Variants in GRIN2A observed in about 807,000 individuals in gnomAD.
GRIN2A encodes the protein glutamate receptor ionotropic, NMDA 2A.
In GRIN2A, 22 loss-of-function variants were observed where a neutral mutation model predicts 113.4. That is an observed-to-expected ratio of 0.19 (90% CI 0.14 to 0.28). GRIN2A has a LOEUF of 0.28. Among genes scored for constraint, GRIN2A ranks in the 10% least tolerant of loss-of-function variants. The pLI is 1.00. For synonymous variants in GRIN2A, 827 were observed against 738.4 expected, an observed-to-expected ratio of 1.12 and a Z score of -1.94; for missense variants, 1,502 against 1,887.0, an observed-to-expected ratio of 0.80 and a Z score of 3.78.
chr16:9,917,529 A>C (rs1398360027), intron 3 of GRIN2A, among the ~76,000 whole-genome samples: 1 of 152,234 alleles, frequency 6.6e-6, no homozygotes, highest in African/African-American at 2.4e-5. Flanking sequence ...AGCTACTTGG[A>C]AAACTGGACA....
chr16:9,851,763 T>C (rs1270733733), intron 4 of GRIN2A, among the ~76,000 whole-genome samples: 1 of 152,174 alleles, frequency 6.6e-6, no homozygotes, highest in Non-Finnish European at 1.5e-5. Flanking sequence ...TCAACCTCTC[T>C]GAGCTTCACT....
intron 11 of GRIN2A, among the ~76,000 whole-genome samples, chr16:9,785,224 T>C (rs1233854745): frequency 4.0e-5 from 6 of 151,864 alleles, no homozygotes; most frequent in African/African-American, 1.4e-4. Flanking sequence ...ATTAAGAAAA[T>C]GTGGCACATA....
chr16:10,046,594 GGT>G (rs2047263683), intron 2 of GRIN2A, among the ~76,000 whole-genome samples: 2 of 151,508 alleles, frequency 1.3e-5, no homozygotes, highest in African/African-American at 2.4e-5. Context: ...CGTATAGGAT[GGT>G]TTAAAGAGCC....
rs972695604 is a variant in GRIN2A, at chr16:9,757,788, G to A, written c.*5361C>T. Reference sequence around the variant, plus strand: ...CTCTGAGAAAAGTTTTCTCTTCTAGGAACTTTAAGACAGGGATTGTGAGGG... The same window carrying A: ...CTCTGAGAAAAGTTTTCTCTTCTAGAAACTTTAAGACAGGGATTGTGAGGG... On this transcript the variant is annotated 3_prime_UTR_variant, in exon 13 of 13. Transcript: ENST00000330684. 7 of 220,580 alleles carry A rather than the reference G, an allele frequency of 3.2e-5. No individual in the cohort carries two copies. The highest frequency in any genetic ancestry group is 1.6e-4 in the African/African-American group (7 of 44,654). The allele number at this position is 220,580 out of a possible 1,614,324, so 13.7% of individuals were successfully genotyped here.
At chr16:9,864,522 A>G (rs193235984) in intron 4 of GRIN2A, among the ~76,000 whole-genome samples, 419 of 152,252 alleles carry the variant, frequency 2.8e-3, no homozygotes, top group African/African-American at 8.5e-3. Context: ...AGGTAATTAA[A>G]CTGCAGGCTA....
chr16:9,794,899 C>T (rs762088504), intron 11 of GRIN2A, among the ~76,000 whole-genome samples: 6 of 146,994 alleles, frequency 4.1e-5, no homozygotes, highest in Admixed American at 2.0e-4. Flanking sequence ...GAGTTGTGCA[C>T]GGGCAACTAT....
chr16:10,171,176 G>A (rs1479338924), intron 2 of GRIN2A, among the ~76,000 whole-genome samples: 3 of 152,150 alleles, frequency 2.0e-5, no homozygotes, highest in African/African-American at 7.2e-5. Context: ...AATAAAATAA[G>A]AGCAAAAGAA....
intron 2 of GRIN2A, among the ~76,000 whole-genome samples, chr16:10,148,603 C>T (rs1021674619): frequency 8.5e-5 from 13 of 152,194 alleles, no homozygotes; most frequent in African/African-American, 3.1e-4. Context: ...ATATCTCCCT[C>T]TTCTCTGCGT....
At position 10,126,477 on chromosome 16, in the gene GRIN2A, G is replaced by A. The variant is rs553126641; in HGVS notation, c.414+53521C>T. On this transcript the variant is annotated intron_variant, in intron 2 of 12. Coordinates refer to ENST00000330684, the MANE Select transcript of GRIN2A (RefSeq NM_001134407.3). ...CCAGTGCCCAGCCAGTTTCATTACCGTATTTCAAATATTTTGCAGTATTGG... is the reference window on the plus strand; with the variant it reads ...CCAGTGCCCAGCCAGTTTCATTACCATATTTCAAATATTTTGCAGTATTGG... Among the ~76,000 whole-genome samples the A allele has an allele frequency of 5.9e-5, 9 of 152,260 alleles. No individual in the cohort carries two copies. The East Asian group carries it at 9.6e-4, about 16-fold the overall frequency.
intron 2 of GRIN2A, among the ~76,000 whole-genome samples, chr16:10,146,911 AG>A (rs2049452128): frequency 6.6e-6 from 1 of 152,034 alleles, no homozygotes; most frequent in Non-Finnish European, 1.5e-5. Flanking sequence ...AGCTAAATGT[AG>A]CCACCCTCTT....
intron 2 of GRIN2A, among the ~76,000 whole-genome samples, chr16:10,003,024 CTGAG>C (rs1302991105): frequency 6.6e-6 from 1 of 152,192 alleles, no homozygotes; most frequent in Non-Finnish European, 1.5e-5. Flanking sequence ...CATATTGCTG[CTGAG>C]TGAGTGTGTA....
chr16:9,806,098 C>G (rs915518069), intron 10 of GRIN2A, among the ~76,000 whole-genome samples: 4 of 152,188 alleles, frequency 2.6e-5, no homozygotes, highest in Non-Finnish European at 5.9e-5. Flanking sequence ...ATTCCTCGAT[C>G]GATGTCTTGC....
intron 2 of GRIN2A, among the ~76,000 whole-genome samples, chr16:10,043,556 ATCCTACAAAGATGCCACCAACTTTCAAT>A (rs1353710481): frequency 6.6e-6 from 1 of 152,156 alleles, no homozygotes; most frequent in Non-Finnish European, 1.5e-5. Context: ...GTTTCTCAGT[ATCCTACAAAGATGCCACCAACTTTCAAT>A]TATCTCAGCT....
intron 2 of GRIN2A, among the ~76,000 whole-genome samples, chr16:10,048,218 T>A (rs925001010): frequency 1.3e-5 from 2 of 152,208 alleles, no homozygotes; most frequent in African/African-American, 4.8e-5. Flanking sequence ...CTTCACAAGG[T>A]TATTATAAGG....
chr16:10,035,967 G>A (rs539764662), intron 2 of GRIN2A, among the ~76,000 whole-genome samples: 29 of 152,098 alleles, frequency 1.9e-4, no homozygotes, highest in South Asian at 4.1e-4. Flanking sequence ...CAAGTGATCC[G>A]CCTGCCTGGG....
intron 4 of GRIN2A, among the ~76,000 whole-genome samples, chr16:9,890,487 A>T (rs543260922): frequency 1.3e-5 from 2 of 152,324 alleles, no homozygotes; most frequent in African/African-American, 2.4e-5. Context: ...AATATGCTTT[A>T]TAAGAAAAAT....
At chr16:10,160,961 G>A (rs2049798230) in intron 2 of GRIN2A, among the ~76,000 whole-genome samples, 1 of 152,208 alleles carries the variant, frequency 6.6e-6, no homozygotes, top group Admixed American at 6.5e-5. Context: ...CTCAAACAGA[G>A]GCACACACAG....
chr16:9,922,633 C>G (rs1460846045), intron 3 of GRIN2A, among the ~76,000 whole-genome samples: 2 of 152,212 alleles, frequency 1.3e-5, no homozygotes, highest in African/African-American at 4.8e-5. Flanking sequence ...GTCCCTGTGA[C>G]TTGGTTAACT....
intron 4 of GRIN2A, among the ~76,000 whole-genome samples, chr16:9,866,643 A>G (rs1161900018): frequency 6.6e-6 from 1 of 152,182 alleles, no homozygotes; most frequent in Non-Finnish European, 1.5e-5. Flanking sequence ...TATGGCTAGG[A>G]CTTAGTACTC....
Sources: allele counts gnomAD v4.1 joint callset (sites outside exome capture counted in the v4.1 genomes callset), GRCh38; gene constraint gnomAD v4.1.1; transcripts MANE v1.5; gene names NCBI Gene and HGNC (gene_info 2026-07-23, HGNC 2026-07-21).